GAK: variants seen among roughly 807,000 people sequenced by gnomAD.
GAK encodes cyclin-G-associated kinase.
GAK carries 79 observed loss-of-function variants against 143.9 expected under a neutral mutation model. That is an observed-to-expected ratio of 0.55 (90% confidence interval 0.46 to 0.66). The LOEUF is 0.66. Ranked by LOEUF, GAK falls within the 30% of genes least tolerant of loss-of-function variation. The probability of loss-of-function intolerance (pLI) is 0.00; values close to 1 mark genes in which losing one functional copy is unlikely to be tolerated. For missense variants in GAK, 1,693 were observed against 1,779.7 expected, an observed-to-expected ratio of 0.95 and a Z score of 0.88; for synonymous variants, 881 against 765.5, an observed-to-expected ratio of 1.15 and a Z score of -2.49.
chr4:859,522 T>C (rs1441062256), intron 24 of GAK, 84 bp downstream of exon 24: 1 of 1,595,666 alleles, frequency 6.3e-7, no homozygotes. Flanking sequence ...AGACTTCACT[T>C]TGGGCAGCTC....
At chr4:897,685 G>A (rs1274550486) in intron 6 of GAK, among the ~76,000 whole-genome samples, 1 of 152,156 alleles carries the variant, frequency 6.6e-6, no homozygotes, top group African/African-American at 2.4e-5. Flanking sequence ...CATTGCTCAC[G>A]CCTGTAATCC....
Position 849,697 on chromosome 4 carries a change from G to A in GAK, c.3912C>T (p.Asn1304=). ...ELNDAWSEFE[N]QGSRPLF is the part of the protein sequence containing the mutation. ...CTCAGAAGAGGGGCCGGGAGCCCTG[G>A]TTCTCAAACTCCGACCAGGCGTCAT... Residue 1304 remains asparagine, a synonymous_variant, in exon 28 of 28, where the codon AAC becomes AAT. Coordinates refer to ENST00000314167, the MANE Select transcript of GAK (RefSeq NM_005255.4). 6.2e-7 allele frequency: 1 copy of A among 1,613,092 alleles called. No homozygotes were observed. The highest frequency in any genetic ancestry group is 2.2e-5 in the East Asian group (1 of 44,860).
rs765716559 is a variant in GAK at position 851,773 on chromosome 4, C to T, written c.3485G>A (p.Arg1162Gln). ...ACCAAAGCTGGGTGCGCGGACCCCC[C>T]GCTCCTCCCGCGCCCCGATCACACT... ...NFSVIGAREE[R>Q]GVRAPSFAQK... The change falls in exon 25 of 28, where the codon CGG becomes CAG. Residue 1162 changes from arginine to glutamine, a missense_variant. Coordinates refer to ENST00000314167, the MANE Select transcript of GAK (RefSeq NM_005255.4). 8.1e-6 allele frequency: 13 copies of T among 1,613,080 alleles called. No homozygotes were observed. The highest frequency in any genetic ancestry group is 1.3e-5 in the African/African-American group (1 of 74,944).
At position 912,755 on chromosome 4, in the gene GAK, T is replaced by C. The variant is rs1362154295; in HGVS notation, c.247A>G (p.Ile83Val). The C allele has an allele frequency of 6.2e-7, 1 of 1,613,922 alleles. No homozygotes were observed. The highest frequency in any genetic ancestry group is 1.7e-5 in the Admixed American group (1 of 60,018). The change falls in exon 3 of 28, where the codon ATT (isoleucine) becomes GTT (valine). Residue 83 changes from isoleucine (I) to valine (V), a missense_variant. By Grantham distance (29) the Ile-to-Val change is conservative. Transcript: ENST00000314167. ...GATACCATGAAGCAAACTTCTTGAA[T>C]GATGGCTCTGTTCTTTTCCTCTTCA... The part of the protein sequence containing the change: ...SNEEEKNRAI[I>V]QEVCFMKKLS...
intron 24 of GAK, chr4:853,055 T>G (rs561152343): frequency 6.5e-4 from 99 of 151,884 alleles, no homozygotes; most frequent in African/African-American, 2.3e-3. Context: ...GGTCTCAAAC[T>G]CCTAGGCTTA....
chr4:870,815 G>A lies in GAK; in HGVS notation c.2144C>T (p.Pro715Leu), dbSNP rs772535302. The A allele has an allele frequency of 1.2e-5, 19 of 1,614,008 alleles. No individual in the cohort carries two copies. In the African/African-American group the frequency reaches 1.2e-4, roughly 10 times the overall value. Residue 715 changes from proline to leucine, a missense_variant, in exon 19 of 28, where the codon CCG becomes CTG. Coordinates refer to ENST00000314167, the MANE Select transcript of GAK (RefSeq NM_005255.4). ...CTCCCATGGTGGGGCTTCCCGGCTCGGCCTGTCCCTGGGCTCCACCTCCAC... is the reference window on the plus strand; with the variant it reads ...CTCCCATGGTGGGGCTTCCCGGCTCAGCCTGTCCCTGGGCTCCACCTCCAC... ...LEVEVEPRDRPSREAPPWENS... is the reference protein window; with the variant it reads ...LEVEVEPRDRLSREAPPWENS...
At chr4:856,360 C>T (rs964074912) in intron 24 of GAK, among the ~76,000 whole-genome samples, 1 of 77,208 alleles carries the variant, frequency 1.3e-5, no homozygotes. Flanking sequence ...CACACCTGCT[C>T]ACCACAGCTG....
At chr4:919,561 C>T (rs1407975237) in intron 1 of GAK, among the ~76,000 whole-genome samples, 1 of 152,268 alleles carries the variant, frequency 6.6e-6, no homozygotes, top group Admixed American at 6.5e-5. Flanking sequence ...CCTTCCCACA[C>T]ACCACAGGCC....
rs201506389 is a variant in GAK, at chr4:866,434, G to A, written c.2973C>T (p.Thr991=). ...GGGCAGACGGGAAGGATGGTGGGACGGTCACAGAGTCCGAATTGAGAAATT... is the reference window on the plus strand; with the variant it reads ...GGGCAGACGGGAAGGATGGTGGGACAGTCACAGAGTCCGAATTGAGAAATT... ...FGEFLNSDSV[T]VPPSFPSAHS... The change falls in exon 22 of 28, where the codon ACC becomes ACT. Residue 991 remains threonine (T), a synonymous_variant. Transcript: ENST00000314167. The A allele has an allele frequency of 2.5e-5, 41 of 1,614,116 alleles. 1 individual carries two copies. In the East Asian group the frequency reaches 4.0e-4, roughly 16 times the overall value.
intron 23 of GAK, among the ~76,000 whole-genome samples, chr4:864,372 C>A (rs1236422860): frequency 6.6e-6 from 1 of 152,108 alleles, no homozygotes; most frequent in African/African-American, 2.4e-5. Flanking sequence ...AAAACAAAAA[C>A]AAAAACAAAA....
chr4:920,539 A>T (rs1357131523), intron 1 of GAK, among the ~76,000 whole-genome samples: 48 of 129,580 alleles, frequency 3.7e-4, no homozygotes, highest in South Asian at 1.7e-3. Flanking sequence ...GTTTAGAGCC[A>T]TTTTTTTTTT....
intron 15 of GAK, 46 bp from the exon 16 acceptor site, chr4:877,855 G>C (rs766322282): frequency 6.8e-7 from 1 of 1,481,132 alleles, no homozygotes; most frequent in Admixed American, 2.4e-5. Context: ...CCCTGAGAGG[G>C]GACCACACAG....
At position 849,789 on chromosome 4, in the gene GAK, C is replaced by T. The variant is rs751570040; in HGVS notation, c.3835-15G>A. 26 of 1,604,168 alleles carry T rather than the reference C, an allele frequency of 1.6e-5. No individual in the cohort carries two copies. Among genetic ancestry groups the T allele is most frequent in the Admixed American group, 6.7e-5 (4 of 59,562 alleles). On this transcript the variant is annotated splice_polypyrimidine_tract_variant and intron_variant, in intron 27 of 27. Transcript: ENST00000314167. ...TGCCCCGCAGCCTATGGGTGACAGG[C>T]GGTGTAAGCGCCTCTTATAAGCATG...
intron 11 of GAK, chr4:888,404 G>A (rs1283972635): frequency 2.9e-5 from 5 of 174,588 alleles, no homozygotes; most frequent in African/African-American, 1.2e-4. Flanking sequence ...ACGCGCCCTT[G>A]GACAGCCCAC....
intron 5 of GAK, among the ~76,000 whole-genome samples, chr4:898,758 G>A (rs949722452): frequency 3.9e-5 from 6 of 152,210 alleles, no homozygotes; most frequent in African/African-American, 1.2e-4. Context: ...AGCTACTCAG[G>A]AGGCTGAGGC....
At chr4:849,842 C>CA (rs750496071) in intron 27 of GAK, 50 bp downstream of exon 27, 11 of 1,205,132 alleles carry the variant, frequency 9.1e-6, no homozygotes, top group South Asian at 2.7e-5. Flanking sequence ...GGACCCCCCC[C>CA]CCGCCCCGCC....
rs1289723970 is a variant in GAK, at chr4:902,247, A to C, written c.525+2390T>G. 1.4e-4 allele frequency among the ~76,000 whole-genome samples: 21 copies of C among 151,716 alleles called. No homozygotes were observed. The Middle Eastern group carries it at 0.01, about 74-fold the overall frequency. Reference sequence around the variant, plus strand: ...GCAAGACTCCGCCTAAAAAAAAAAAAAAAACAGAAATGTCCTCACGTCCCC... The same window carrying C: ...GCAAGACTCCGCCTAAAAAAAAAAACAAAACAGAAATGTCCTCACGTCCCC... On this transcript the variant is annotated intron_variant, in intron 5 of 27. Coordinates refer to ENST00000314167, the MANE Select transcript of GAK (RefSeq NM_005255.4).
chr4:873,484 G>A (rs997945115), intron 18 of GAK, among the ~76,000 whole-genome samples: 9 of 126,930 alleles, frequency 7.1e-5, no homozygotes, highest in African/African-American at 2.1e-4. Flanking sequence ...AGGTCAAGTT[G>A]GTTAAACCTT....
chr4:892,808 C>T (rs1399748271), intron 9 of GAK, among the ~76,000 whole-genome samples: 2 of 152,220 alleles, frequency 1.3e-5, no homozygotes, highest in Non-Finnish European at 2.9e-5. Flanking sequence ...TTCATGCTGT[C>T]CTGTCAGGGG....
Sources: gnomAD v4.1 joint callset for allele counts (sites outside exome capture counted in the v4.1 genomes callset) on GRCh38, gnomAD v4.1.1 for gene constraint, MANE v1.5 for transcripts, NCBI Gene and HGNC (gene_info 2026-07-23, HGNC 2026-07-21) for gene names.